The following SMARCC1 variants were observed in gnomAD, a reference collection of about 807,000 sequenced individuals.
SMARCC1 encodes the protein SWI/SNF complex subunit SMARCC1.
In SMARCC1, 43 loss-of-function variants were observed where a neutral mutation model predicts 147.4. The observed-to-expected ratio is 0.29, with a 90% CI of 0.23 to 0.38. The LOEUF (loss-of-function observed/expected upper bound fraction) is 0.38. SMARCC1 is among the 10% of genes least tolerant of loss of function. The pLI is 1.00. For missense variants in SMARCC1, 1,119 were observed against 1,381.1 expected (o/e 0.81, Z 3.01); for synonymous variants, 495 against 484.4 (o/e 1.02, Z -0.29).
At chr3:47,613,518 C>T (rs2106674026) in intron 25 of SMARCC1, among the ~76,000 whole-genome samples, 1 of 151,942 alleles carries the variant, frequency 6.6e-6, no homozygotes, top group East Asian at 1.9e-4. Flanking sequence ...CACTACCACG[C>T]CCAGCTAATT....
chr3:47,636,194 T>C (rs2106703381), intron 22 of SMARCC1, 58 bp from the exon 23 acceptor site: 1 of 846,932 alleles, frequency 1.2e-6, no homozygotes, highest in East Asian at 2.4e-5. Flanking sequence ...CAGACCTTTT[T>C]ATGAGTAATT....
intron 1 of SMARCC1, among the ~76,000 whole-genome samples, chr3:47,778,125 T>C (rs546257866): frequency 7.1e-6 from 1 of 140,496 alleles, no homozygotes; most frequent in African/African-American, 2.7e-5. Context: ...AAGAATCACT[T>C]CAACTTGGGA....
chr3:47,758,428 G>C (rs78841252), intron 2 of SMARCC1, among the ~76,000 whole-genome samples: 6,761 of 151,450 alleles, frequency 0.045, 502 homozygotes, highest in African/African-American at 0.15. Context: ...ATATGCCTAG[G>C]CTAAGACAAG....
chr3:47,767,894 G>A (rs2034860388), intron 2 of SMARCC1, among the ~76,000 whole-genome samples: 1 of 148,422 alleles, frequency 6.7e-6, no homozygotes, highest in South Asian at 2.1e-4. Context: ...TTTTTTTTAA[G>A]ACAGAGTCTC....
chr3:47,618,523 G>A (rs2106680395), intron 25 of SMARCC1, among the ~76,000 whole-genome samples: 1 of 152,164 alleles, frequency 6.6e-6, no homozygotes, highest in Non-Finnish European at 1.5e-5. Flanking sequence ...ACTCCAGCCT[G>A]GGCAACAGAG....
intron 2 of SMARCC1, among the ~76,000 whole-genome samples, chr3:47,760,770 C>T (rs1279917242): frequency 2.6e-5 from 4 of 152,132 alleles, no homozygotes; most frequent in African/African-American, 4.8e-5. Context: ...GGCAGAAGGA[C>T]TTCTTCAGTC....
At position 47,587,219 on chromosome 3, in the gene SMARCC1, T is replaced by C. The variant is rs1212852828; in HGVS notation, c.*990A>G. On this transcript the variant is annotated 3_prime_UTR_variant, in exon 28 of 28. Coordinates refer to ENST00000254480, the MANE Select transcript of SMARCC1 (RefSeq NM_003074.4). ...ACCAAGTTTCATGAGCTAAAATATT[T>C]AGCACTATCTACTTTTTTTTTTCTT... The C allele has an allele frequency of 6.6e-6, 1 of 152,556 alleles. No homozygotes were observed. Among genetic ancestry groups the C allele is most frequent in the Non-Finnish European group, 1.5e-5 (1 of 68,024 alleles). 9.5% of individuals were successfully genotyped at this position (152,556 alleles called of 1,614,324 possible).
At chr3:47,639,688 T>TG (rs2033023960) in intron 21 of SMARCC1, among the ~76,000 whole-genome samples, 3 of 151,826 alleles carry the variant, frequency 2.0e-5, no homozygotes. Context: ...CACTCCGGCC[T>TG]GGGAGACAGA....
chr3:47,636,081 T>C lies in SMARCC1; in HGVS notation c.2432A>G (p.Glu811Gly), dbSNP rs1212600851. The change falls in exon 23 of 28, where the codon GAA becomes GGA. Residue 811 changes from glutamate to glycine, a missense_variant. Coordinates refer to ENST00000254480, the MANE Select transcript of SMARCC1 (RefSeq NM_003074.4). ...TDEGDKAQDG[E>G]NEKNSEKEQD... ...TTCCTTTTCACTATTTTTTTCATTTTCTCCATCTTGTGCTTTATCACCTTC... is the reference window on the plus strand; with the variant it reads ...TTCCTTTTCACTATTTTTTTCATTTCCTCCATCTTGTGCTTTATCACCTTC... The C allele has an allele frequency of 6.2e-7, 1 of 1,610,590 alleles. No homozygotes were observed. The highest frequency in any genetic ancestry group is 1.1e-5 in the South Asian group (1 of 90,988).
intron 19 of SMARCC1, 150 bp downstream of exon 19, chr3:47,670,508 T>C: frequency 1.6e-6 from 1 of 630,052 alleles, no homozygotes; most frequent in East Asian, 2.8e-5. Flanking sequence ...CGCCTGAGCC[T>C]GGGAGGTAGA....
chr3:47,701,932 G>A (rs1302548364), intron 10 of SMARCC1, among the ~76,000 whole-genome samples: 8 of 151,690 alleles, frequency 5.3e-5, no homozygotes, highest in African/African-American at 1.7e-4. Context: ...ATAAAAAATG[G>A]GCAAAAAATC....
chr3:47,685,600 C>T (rs936640763), intron 14 of SMARCC1, among the ~76,000 whole-genome samples: 1 of 151,420 alleles, frequency 6.6e-6, no homozygotes, highest in African/African-American at 2.4e-5. Context: ...TGGCTCACGC[C>T]TGTAATCCCA....
At chr3:47,729,542 C>G (rs531915099) in intron 5 of SMARCC1, among the ~76,000 whole-genome samples, 1 of 152,156 alleles carries the variant, frequency 6.6e-6, no homozygotes. Context: ...CCCGCCAGCA[C>G]GCCTGGCTAA....
intron 9 of SMARCC1, among the ~76,000 whole-genome samples, chr3:47,708,490 T>C (rs956753217): frequency 6.6e-6 from 1 of 151,986 alleles, no homozygotes; most frequent in African/African-American, 2.4e-5. Context: ...TAAAAATAAA[T>C]GAATAAACAA....
intron 6 of SMARCC1, among the ~76,000 whole-genome samples, chr3:47,727,414 G>T (rs896023838): frequency 2.6e-5 from 4 of 151,992 alleles, no homozygotes; most frequent in African/African-American, 9.6e-5. Context: ...GGCTGAGGCA[G>T]GAGAATCACT....
chr3:47,773,010 CCTA>C, intron 1 of SMARCC1, 74 bp from the exon 2 acceptor site: 2 of 1,384,660 alleles, frequency 1.4e-6, no homozygotes, highest in Non-Finnish European at 2.0e-6. Context: ...CTTCCTAGTA[CCTA>C]CTAAGTACTT....
intron 21 of SMARCC1, among the ~76,000 whole-genome samples, chr3:47,652,689 C>CAA (rs1409623398): frequency 9.4e-5 from 14 of 149,136 alleles, no homozygotes; most frequent in Non-Finnish European, 1.8e-4. Flanking sequence ...AATGGCCAAT[C>CAA]AAAAATCCCT....
At chr3:47,596,878 T>TG (rs2032292068) in intron 26 of SMARCC1, among the ~76,000 whole-genome samples, 1 of 152,048 alleles carries the variant, frequency 6.6e-6, no homozygotes, top group Non-Finnish European at 1.5e-5. Flanking sequence ...CCTTCTTTTT[T>TG]TTTTTATTTT....
intron 6 of SMARCC1, among the ~76,000 whole-genome samples, 160 bp from the exon 7 acceptor site, chr3:47,720,895 T>C (rs2034225434): frequency 6.6e-6 from 1 of 152,182 alleles, no homozygotes; most frequent in African/African-American, 2.4e-5. Flanking sequence ...TCAAATTGAG[T>C]ACTATCTACC....
Sources: gnomAD v4.1 joint callset for allele counts (sites outside exome capture counted in the v4.1 genomes callset) on GRCh38, gnomAD v4.1.1 for gene constraint, MANE v1.5 for transcripts, NCBI Gene and HGNC (gene_info 2026-07-23, HGNC 2026-07-21) for gene names.